OR52K1: variants seen among roughly 807,000 people sequenced by gnomAD.
OR52K1 encodes olfactory receptor 52K1.
OR52K1 carries 10 observed loss-of-function variants against 8.7 expected under a neutral mutation model. The ratio of observed to expected loss-of-function variants is 1.15; its 90% CI spans 0.71 to 1.95. The LOEUF (loss-of-function observed/expected upper bound fraction) is 1.95. Ranked by LOEUF, OR52K1 falls within the 30% of genes most tolerant of loss-of-function variation. The pLI is 0.00. For synonymous variants in OR52K1, 203 were observed against 148.5 expected (o/e 1.37, Z -2.67); for missense variants, 431 against 397.2 (o/e 1.08, Z -0.72).
chr11:4,488,946 T>C lies in OR52K1; in HGVS notation c.46T>C (p.Leu16=), dbSNP rs1260428758. ...ITSTHPAVFL[L]VGIPGLEHLH... is the part of the protein sequence containing the mutation. ...CTCAACACATCCAGCTGTCTTTTTG[T>C]TGGTAGGAATTCCTGGTTTGGAACA... The change falls in exon 2 of 2, where the codon TTG becomes CTG. Residue 16 remains leucine, a synonymous_variant. Coordinates refer to ENST00000641528, the MANE Select transcript of OR52K1 (RefSeq NM_001005171.3). 6.2e-7 allele frequency: 1 copy of C among 1,614,082 alleles called. No homozygotes were observed. Among genetic ancestry groups the C allele is most frequent in the East Asian group, 2.2e-5 (1 of 44,880 alleles).
At chr11:4,484,841 C>CAT (rs1846308435) in intron 1 of OR52K1, among the ~76,000 whole-genome samples, 1 of 151,066 alleles carries the variant, frequency 6.6e-6, no homozygotes, top group Middle Eastern at 3.2e-3. Flanking sequence ...CAGACACACA[C>CAT]ACACACACAC....
intron 1 of OR52K1, among the ~76,000 whole-genome samples, chr11:4,486,928 A>G (rs1338952684): frequency 6.6e-6 from 1 of 152,200 alleles, no homozygotes; most frequent in East Asian, 1.9e-4. Flanking sequence ...GAGCTGGGAA[A>G]CGGGAATATG....
chr11:4,489,021 C>T lies in OR52K1; in HGVS notation c.121C>T (p.Leu41=). The change falls in exon 2 of 2, where the codon CTG becomes TTG. Residue 41 remains leucine (L), a synonymous_variant. Transcript: ENST00000641528. ...IPFCFAYTLA[L]LGNCTLLFII... is the part of the protein sequence containing the mutation. ...CTTCTGCTTTGCTTATACTCTGGCCCTGCTAGGCAACTGTACCCTTCTCTT... is the reference window on the plus strand; with the variant it reads ...CTTCTGCTTTGCTTATACTCTGGCCTTGCTAGGCAACTGTACCCTTCTCTT... 6.2e-7 allele frequency: 1 copy of T among 1,614,172 alleles called. No individual in the cohort carries two copies. Among genetic ancestry groups the T allele is most frequent in the Non-Finnish European group, 8.5e-7 (1 of 1,180,008 alleles).
In OR52K1 at chr11:4,489,353, G is replaced by T; in HGVS notation, c.453G>T (p.Val151=). The change falls in exon 2 of 2, where the codon GTG becomes GTT. Residue 151 remains valine (V), a synonymous_variant. Coordinates refer to ENST00000641528, the MANE Select transcript of OR52K1 (RefSeq NM_001005171.3). ...SLITKIGMAA[V]ARAVTLMTPL... is the part of the protein sequence containing the mutation. The stretch of plus-strand genomic sequence containing the variant: ...TCACCAAGATTGGCATGGCTGCTGT[G>T]GCCCGGGCTGTGACACTAATGACTC... 6.2e-7 allele frequency: 1 copy of T among 1,614,156 alleles called. No individual in the cohort carries two copies. Among genetic ancestry groups the T allele is most frequent in the African/African-American group, 1.3e-5 (1 of 75,034 alleles).
intron 1 of OR52K1, among the ~76,000 whole-genome samples, chr11:4,485,924 T>G (rs1846317638): frequency 6.6e-6 from 1 of 152,224 alleles, no homozygotes; most frequent in Non-Finnish European, 1.5e-5. Context: ...GCTGGCTGCC[T>G]GCTGATATTT....
Position 4,490,165 on chromosome 11 carries a change from C to G in OR52K1, c.*320C>G. ...CTTTATTGGCTGAGATTGGCCCAAA[C>G]AGCTGAGTCACCCAAACAGGTGACT... On this transcript the variant is annotated 3_prime_UTR_variant, in exon 2 of 2. Transcript: ENST00000641528. 3.9e-6 allele frequency: 1 copy of G among 257,198 alleles called. No individual in the cohort carries two copies. Among genetic ancestry groups the G allele is most frequent in the Non-Finnish European group, 7.4e-6 (1 of 135,044 alleles). 15.9% of individuals were successfully genotyped at this position (257,198 alleles called of 1,614,324 possible).
In OR52K1 at chr11:4,489,557, TTA is replaced by T. The variant is rs763366319; in HGVS notation, c.659_660del (p.Tyr220CysfsTer83). 4 of 1,614,242 alleles carry T rather than the reference TTA, an allele frequency of 2.5e-6. No homozygotes were observed. In the East Asian group the frequency reaches 8.9e-5, roughly 36 times the overall value. On this transcript the variant is annotated frameshift_variant, in exon 2 of 2. Transcript: ENST00000641528. LOFTEE classifies it high-confidence loss of function. ...TGGACCTGCTCTTTGTTATCCTGTC[TTA>T]TGTCTTCATCCTTCAGGCAGTTCTC... ...VLDLLFVILS[Y>X]VFILQAVLQL...
chr11:4,484,153 G>A (rs780840084), intron 1 of OR52K1, among the ~76,000 whole-genome samples: 1 of 152,136 alleles, frequency 6.6e-6, no homozygotes, highest in Non-Finnish European at 1.5e-5. Context: ...TTAGAGGCTG[G>A]GTTTACAGAA....
intron 1 of OR52K1, among the ~76,000 whole-genome samples, chr11:4,486,913 C>A (rs963397198): frequency 2.0e-5 from 3 of 152,290 alleles, no homozygotes; most frequent in African/African-American, 7.2e-5. Context: ...AAGTGAGACA[C>A]TCTGGAGCTG....
rs1201108921 is a variant in OR52K1, at chr11:4,482,727, T to G, written c.-778T>G. 1 of 159,534 alleles carries G rather than the reference T, an allele frequency of 6.3e-6. No homozygotes were observed. Among genetic ancestry groups the G allele is most frequent in the African/African-American group, 2.4e-5 (1 of 41,798 alleles). The allele number at this position is 159,534 out of a possible 1,614,324, so 9.9% of individuals were successfully genotyped here. A position where few individuals can be genotyped will look rare whatever the true frequency, so the allele number is the denominator to read the frequency against. ...CAGGATTGTAAGTCAGACTGAGGAC[T>G]GTGGATACAGCTGCAACTTAGGGAA... On this transcript the variant is annotated 5_prime_UTR_variant, in exon 1 of 2. Coordinates refer to ENST00000641528, the MANE Select transcript of OR52K1 (RefSeq NM_001005171.3).
rs16934674 is a variant in OR52K1 at position 4,488,094 on chromosome 11, G to A, written c.-328-479G>A. Among the ~76,000 whole-genome samples the A allele has an allele frequency of 3.2e-3, 491 of 152,272 alleles. 1 individual carries two copies. The highest frequency in any genetic ancestry group is 0.011 in the African/African-American group (458 of 41,564). On this transcript the variant is annotated intron_variant, in intron 1 of 1. Coordinates refer to ENST00000641528, the MANE Select transcript of OR52K1 (RefSeq NM_001005171.3). ...CACAGGGAGTTTAACATGAGTTTCA[G>A]TGGAGAACCAAAAAAGGACGTTTCA...
Position 4,488,589 on chromosome 11 carries a change from C to A in OR52K1, c.-312C>A. ...TTTTTCAAGGTATTCATGACATCAC[C>A]AAGAACACAGAAAACACTACATATA... On this transcript the variant is annotated 5_prime_UTR_variant, in exon 2 of 2. Transcript: ENST00000641528. 1 of 268,722 alleles carries A rather than the reference C, an allele frequency of 3.7e-6. No individual in the cohort carries two copies. Among genetic ancestry groups the A allele is most frequent in the Non-Finnish European group, 7.0e-6 (1 of 143,312 alleles). 16.6% of individuals were successfully genotyped at this position (268,722 alleles called of 1,614,324 possible).
At position 4,483,012 on chromosome 11, in the gene OR52K1, A is replaced by G. The variant is rs1846293459; in HGVS notation, c.-493A>G. On this transcript the variant is annotated 5_prime_UTR_variant, in exon 1 of 2. Coordinates refer to ENST00000641528, the MANE Select transcript of OR52K1 (RefSeq NM_001005171.3). ...CGTCCTATGCCAAACACTGTGGGCCATCTCCAAGAAGTCTTAGTTGATTAT... is the reference window on the plus strand; with the variant it reads ...CGTCCTATGCCAAACACTGTGGGCCGTCTCCAAGAAGTCTTAGTTGATTAT... The G allele has an allele frequency of 2.5e-6, 1 of 396,238 alleles. No homozygotes were observed. The highest frequency in any genetic ancestry group is 2.1e-5 in the African/African-American group (1 of 48,568). 24.5% of individuals were successfully genotyped at this position (396,238 alleles called of 1,614,324 possible). A position where few individuals can be genotyped will look rare whatever the true frequency, so the allele number is the denominator to read the frequency against.
In OR52K1 at chr11:4,489,119, G is replaced by T; in HGVS notation, c.219G>T (p.Leu73Phe). 1 of 1,614,194 alleles carries T rather than the reference G, an allele frequency of 6.2e-7. No individual in the cohort carries two copies. Among genetic ancestry groups the T allele is most frequent in the Non-Finnish European group, 8.5e-7 (1 of 1,180,042 alleles). ...LFLAMLATID[L>F]VLSSTTLPKM... ...TGGCCATGTTGGCAACCATTGACTT[G>T]GTTCTTTCTTCTACAACGCTGCCCA... The change falls in exon 2 of 2, where the codon TTG (leucine) becomes TTT (phenylalanine). Residue 73 changes from leucine (L) to phenylalanine (F), a missense_variant. Physicochemically the swap from Leu to Phe is conservative, Grantham distance 22. Transcript: ENST00000641528.
Position 4,489,382 on chromosome 11 carries a change from T to TC in OR52K1, c.486dup (p.Phe163LeufsTer20). ...CGGGCTGTGACACTAATGACTCCAC[T>TC]CCCCTTCCTGCTCAGACGCTTCCAC... On this transcript the variant is annotated frameshift_variant, in exon 2 of 2. Transcript: ENST00000641528. LOFTEE classifies it high-confidence loss of function. 1.2e-6 allele frequency: 2 copies of TC among 1,614,184 alleles called. No individual in the cohort carries two copies. Among genetic ancestry groups the TC allele is most frequent in the South Asian group, 1.1e-5 (1 of 91,082 alleles).
rs1424792355 is a variant in OR52K1, at chr11:4,489,794, C to T, written c.894C>T (p.Thr298=). 7.4e-6 allele frequency: 12 copies of T among 1,613,442 alleles called. No individual in the cohort carries two copies. Among genetic ancestry groups the T allele is most frequent in the African/African-American group, 2.7e-5 (2 of 74,898 alleles). The change falls in exon 2 of 2, where the codon ACC becomes ACT. Residue 298 remains threonine (T), a synonymous_variant. Coordinates refer to ENST00000641528, the MANE Select transcript of OR52K1 (RefSeq NM_001005171.3). The stretch of plus-strand genomic sequence containing the variant: ...ATCCTATCATATATGGAGTCAAGAC[C>T]AAGCAGATTCGTGAGTATGTGCTCA... ...MVNPIIYGVK[T]KQIREYVLSL...
rs1302747112 is a variant in OR52K1 at position 4,490,723 on chromosome 11, G to A, written c.*878G>A. 2 of 152,142 alleles carry A rather than the reference G, an allele frequency of 1.3e-5. No homozygotes were observed. The highest frequency in any genetic ancestry group is 2.9e-5 in the Non-Finnish European group (2 of 68,012). The allele number at this position is 152,142 out of a possible 1,614,324, so 9.4% of individuals were successfully genotyped here. A position where few individuals can be genotyped will look rare whatever the true frequency, so the allele number is the denominator to read the frequency against. On this transcript the variant is annotated 3_prime_UTR_variant, in exon 2 of 2. Transcript: ENST00000641528. ...ATGGATCACCTATATGATGGTGATT[G>A]CATAACATTATAGTACCGTATATTT...
rs1846295193 is a variant in OR52K1, at chr11:4,483,274, A to G, written c.-329+98A>G. On this transcript the variant is annotated intron_variant, in intron 1 of 1. Coordinates refer to ENST00000641528, the MANE Select transcript of OR52K1 (RefSeq NM_001005171.3). ...TTCCTTGTCTGGTTCTAAGTTTTTC[A>G]GATATGTCATTCTGATATCCTTTTA... 3 of 398,158 alleles carry G rather than the reference A, an allele frequency of 7.5e-6. No homozygotes were observed. In the East Asian group the frequency reaches 1.1e-4, roughly 14 times the overall value. The allele number at this position is 398,158 out of a possible 1,614,324, so 24.7% of individuals were successfully genotyped here.
rs568373516 is a variant in OR52K1 at position 4,489,107 on chromosome 11, A to C, written c.207A>C (p.Ala69=). 6.2e-7 allele frequency: 1 copy of C among 1,614,222 alleles called. No individual in the cohort carries two copies. The highest frequency in any genetic ancestry group is 1.3e-5 in the African/African-American group (1 of 75,052). Residue 69 remains alanine, a synonymous_variant, in exon 2 of 2, where the codon GCA becomes GCC. Coordinates refer to ENST00000641528, the MANE Select transcript of OR52K1 (RefSeq NM_001005171.3). ...EPMYLFLAML[A]TIDLVLSSTT... ...TGTACCTCTTTCTGGCCATGTTGGCAACCATTGACTTGGTTCTTTCTTCTA... is the reference window on the plus strand; with the variant it reads ...TGTACCTCTTTCTGGCCATGTTGGCCACCATTGACTTGGTTCTTTCTTCTA...
Sources: allele counts gnomAD v4.1 joint callset (sites outside exome capture counted in the v4.1 genomes callset), GRCh38; gene constraint gnomAD v4.1.1; transcripts MANE v1.5; gene names NCBI Gene and HGNC (gene_info 2026-07-23, HGNC 2026-07-21).